The following CMSS1 variants were observed in gnomAD, a reference collection of about 807,000 sequenced individuals.
CMSS1 encodes cms1 ribosomal small subunit homolog.
CMSS1 carries 33 observed loss-of-function variants against 43.5 expected under a neutral mutation model. The ratio of observed to expected loss-of-function variants is 0.76; its 90% CI spans 0.57 to 1.01. CMSS1 has a LOEUF of 1.01. Ranked by LOEUF, CMSS1 falls within the 50% of genes least tolerant of loss-of-function variation. The probability of loss-of-function intolerance (pLI) is 0.00; values close to 1 mark genes in which losing one functional copy is unlikely to be tolerated. For missense variants in CMSS1, 313 were observed against 326.4 expected (o/e 0.96, Z 0.32); for synonymous variants, 115 against 117.2 (o/e 0.98, Z 0.12).
chr3:99,889,418 A>C (rs562023681), intron 1 of CMSS1, among the ~76,000 whole-genome samples: 1 of 152,186 alleles, frequency 6.6e-6, no homozygotes, highest in African/African-American at 2.4e-5. Context: ...AGTAGTTACT[A>C]ATGTCTTTTC....
rs555819875 is a variant in CMSS1 at position 100,074,675 on chromosome 3, A to ATTTTTTTTTTTTTTTTTTTTTTTTTTTT, written c.65-72289_65-72262dup. ...ATTTTCTATGCATGTGCAACATTTGATTTTTTTTTTTTTTTTTTTTTTTTT... is the reference window on the plus strand; with the variant it reads ...ATTTTCTATGCATGTGCAACATTTGATTTTTTTTTTTTTTTTTTTTTTTTTTTTTTTTTTTTTTTTTTTTTTTTTTTTT... On this transcript the variant is annotated intron_variant, in intron 1 of 9. Transcript: ENST00000421999. Among the ~76,000 whole-genome samples, 26 of 34,802 alleles carry ATTTTTTTTTTTTTTTTTTTTTTTTTTTT rather than the reference A, an allele frequency of 7.5e-4. 10 individuals are homozygous for ATTTTTTTTTTTTTTTTTTTTTTTTTTTT. Among genetic ancestry groups the ATTTTTTTTTTTTTTTTTTTTTTTTTTTT allele is most frequent in the East Asian group, 1.1e-3 (1 of 942 alleles). 22.8% of individuals were successfully genotyped at this position (34,802 alleles called of 152,430 possible). A position where few individuals can be genotyped will look rare whatever the true frequency, so the allele number is the denominator to read the frequency against.
chr3:99,977,059 C>A (rs1708993997), intron 1 of CMSS1, among the ~76,000 whole-genome samples: 1 of 152,178 alleles, frequency 6.6e-6, no homozygotes, highest in Non-Finnish European at 1.5e-5. Context: ...CTACTAATAG[C>A]ACCTAGTGTC....
intron 1 of CMSS1, among the ~76,000 whole-genome samples, chr3:100,003,182 T>C (rs1709892396): frequency 6.6e-6 from 1 of 152,182 alleles, no homozygotes; most frequent in Admixed American, 6.5e-5. Context: ...AGCACTTTTG[T>C]TGTAAGCCCA....
chr3:100,132,609 G>A (rs1039147980), intron 1 of CMSS1, among the ~76,000 whole-genome samples: 14 of 152,018 alleles, frequency 9.2e-5, no homozygotes, highest in Admixed American at 7.2e-4. Flanking sequence ...CACAAAGTCA[G>A]GAGATCAAGA....
At chr3:99,947,064 G>T (rs968786830) in intron 1 of CMSS1, among the ~76,000 whole-genome samples, 1 of 148,490 alleles carries the variant, frequency 6.7e-6, no homozygotes, top group East Asian at 2.0e-4. Context: ...CTTGCAGCTG[G>T]GAGGTAGAGG....
chr3:99,975,766 C>T (rs928467196), intron 1 of CMSS1, among the ~76,000 whole-genome samples: 5 of 152,186 alleles, frequency 3.3e-5, no homozygotes, highest in African/African-American at 1.2e-4. Flanking sequence ...CTAATAGTGA[C>T]ATTCTTACTC....
chr3:99,931,189 A>G (rs1340596070), intron 1 of CMSS1, among the ~76,000 whole-genome samples: 3 of 152,160 alleles, frequency 2.0e-5, no homozygotes, highest in African/African-American at 4.8e-5. Context: ...TAGCAGATTC[A>G]TAAATCACAG....
intron 1 of CMSS1, among the ~76,000 whole-genome samples, chr3:99,824,833 T>C (rs752589098): frequency 9.2e-5 from 14 of 152,236 alleles, no homozygotes; most frequent in Non-Finnish European, 2.1e-4. Context: ...GTGACAGCTT[T>C]TGTCACCTAG....
At chr3:99,854,706 G>A (rs2107538179) in intron 1 of CMSS1, among the ~76,000 whole-genome samples, 1 of 152,120 alleles carries the variant, frequency 6.6e-6, no homozygotes, top group East Asian at 1.9e-4. Context: ...ACCTCCAGTT[G>A]AGAACTACTG....
intron 1 of CMSS1, chr3:100,040,162 G>A (rs2065179693): frequency 6.6e-6 from 1 of 152,182 alleles, no homozygotes; most frequent in South Asian, 2.1e-4. Context: ...ACAAAAGCCA[G>A]TGAGAAGTAG....
At chr3:99,890,887 G>T (rs149190149) in intron 1 of CMSS1, among the ~76,000 whole-genome samples, 4 of 151,900 alleles carry the variant, frequency 2.6e-5, no homozygotes, top group Non-Finnish European at 5.9e-5. Flanking sequence ...ATGAAGTCAC[G>T]TATCTCAGAA....
At chr3:100,105,349 A>G (rs771833954) in intron 1 of CMSS1, among the ~76,000 whole-genome samples, 1 of 152,168 alleles carries the variant, frequency 6.6e-6, no homozygotes, top group Non-Finnish European at 1.5e-5. Flanking sequence ...TGGACTAGTA[A>G]TATCTTTTTA....
chr3:99,962,637 A>G (rs911896584), intron 1 of CMSS1, among the ~76,000 whole-genome samples: 2 of 152,206 alleles, frequency 1.3e-5, no homozygotes, highest in African/African-American at 4.8e-5. Context: ...AACAACAACA[A>G]CAGCAACAAA....
At chr3:100,152,661 A>G (rs566286280) in intron 2 of CMSS1, among the ~76,000 whole-genome samples, 3 of 152,212 alleles carry the variant, frequency 2.0e-5, no homozygotes, top group Admixed American at 6.5e-5. Flanking sequence ...TCTCAATTCA[A>G]CGCCTTCCTG....
intron 1 of CMSS1, among the ~76,000 whole-genome samples, chr3:99,891,453 CTTT>C (rs1407205021): frequency 6.6e-6 from 1 of 152,168 alleles, no homozygotes; most frequent in Non-Finnish European, 1.5e-5. Context: ...TAGGTTTTCA[CTTT>C]TATTCAGTCT....
At position 100,178,381 on chromosome 3, in the gene CMSS1, T is replaced by C. The variant is rs757365156; in HGVS notation, c.833T>C (p.Leu278Pro). The part of the protein sequence containing the change: ...LCKSESLKLG[L>P]F ...AAGTCAGAATCCTTGAAACTGGGCCTTTTCTAAGTCTGTGTCCTAATGAAG... is the reference window on the plus strand; with the variant it reads ...AAGTCAGAATCCTTGAAACTGGGCCCTTTCTAAGTCTGTGTCCTAATGAAG... Residue 278 changes from leucine to proline, a missense_variant, in exon 10 of 10, where the codon CTT (leucine) becomes CCT (proline). Transcript: ENST00000421999. The C allele has an allele frequency of 1.9e-6, 3 of 1,608,984 alleles. No homozygotes were observed. The highest frequency in any genetic ancestry group is 2.6e-6 in the Non-Finnish European group (3 of 1,175,484).
chr3:99,892,943 A>G (rs187795245), intron 1 of CMSS1, among the ~76,000 whole-genome samples: 27 of 152,306 alleles, frequency 1.8e-4, no homozygotes, highest in African/African-American at 4.8e-4. Context: ...CACAAAGAAG[A>G]TGAGGCCCCT....
chr3:99,867,517 A>G (rs1243349426), intron 1 of CMSS1, among the ~76,000 whole-genome samples: 1 of 152,214 alleles, frequency 6.6e-6, no homozygotes, highest in African/African-American at 2.4e-5. Flanking sequence ...CCAGGTATTA[A>G]ACAATTGAAA....
At chr3:99,967,487 G>C (rs913086411) in intron 1 of CMSS1, among the ~76,000 whole-genome samples, 42 of 152,136 alleles carry the variant, frequency 2.8e-4, no homozygotes, top group African/African-American at 9.9e-4. Flanking sequence ...TGATCCAGTG[G>C]GTCAACTGAA....
Sources: gnomAD v4.1 joint callset for allele counts (sites outside exome capture counted in the v4.1 genomes callset) on GRCh38, gnomAD v4.1.1 for gene constraint, MANE v1.5 for transcripts, NCBI Gene and HGNC (gene_info 2026-07-23, HGNC 2026-07-21) for gene names.